NFYC: variants seen among roughly 807,000 people sequenced by gnomAD.
NFYC encodes CAAT box DNA-binding protein subunit C.
A neutral mutation model predicts 53.1 loss-of-function variants in NFYC; 25 were observed. That is an observed-to-expected ratio of 0.47 (90% CI 0.34 to 0.66). NFYC has a LOEUF of 0.66. Ranked by LOEUF, NFYC falls within the 30% of genes least tolerant of loss-of-function variation. The probability of loss-of-function intolerance (pLI) is 0.01; values close to 1 mark genes in which losing one functional copy is unlikely to be tolerated. For synonymous variants in NFYC, 145 were observed against 152.6 expected (o/e 0.95, Z 0.37); for missense variants, 260 against 422.7 (o/e 0.62, Z 3.38).
At chr1:40,766,379 A>C in intron 7 of NFYC, 1 of 492,190 alleles carries the variant, frequency 2.0e-6, no homozygotes, top group Non-Finnish European at 3.6e-6. Flanking sequence ...AAGTCCATTC[A>C]GGGAATATAT....
At chr1:40,725,828 AAG>A (rs1644491086) in intron 1 of NFYC, among the ~76,000 whole-genome samples, 1 of 152,226 alleles carries the variant, frequency 6.6e-6, no homozygotes, top group Non-Finnish European at 1.5e-5. Context: ...CATTATAATA[AAG>A]AGAGTCACAC....
intron 6 of NFYC, 29 bp from the exon 7 acceptor site, chr1:40,762,859 C>T (rs1204478011): frequency 3.9e-6 from 6 of 1,535,020 alleles, no homozygotes; most frequent in African/African-American, 2.8e-5. Context: ...CCTGAACTCA[C>T]GCAGCATTCT....
At position 40,761,378 on chromosome 1, in the gene NFYC, T is replaced by G. The variant is rs558925764; in HGVS notation, c.562-1510T>G. 2.0e-5 allele frequency among the ~76,000 whole-genome samples: 3 copies of G among 152,346 alleles called. No individual in the cohort carries two copies. In the South Asian group the frequency reaches 6.2e-4, roughly 32 times the overall value. ...GTGTCACACCTCCCTGGACCCGTAG[T>G]GATGGCTATTTCAAGTTGAGTGCAA... On this transcript the variant is annotated intron_variant, in intron 6 of 9. Transcript: ENST00000447388.
intron 1 of NFYC, among the ~76,000 whole-genome samples, chr1:40,724,781 T>C (rs1275794713): frequency 1.3e-5 from 2 of 151,846 alleles, no homozygotes; most frequent in East Asian, 1.9e-4. Flanking sequence ...GATTATATTG[T>C]ACTAGATACC....
Position 40,713,445 on chromosome 1 carries a change from AGGTC to A in NFYC, c.-9+21579_-9+21582del, listed in dbSNP as rs958106016. Among the ~76,000 whole-genome samples the A allele has an allele frequency of 1.0e-3, 155 of 152,364 alleles. 1 individual carries two copies. The highest frequency in any genetic ancestry group is 3.5e-3 in the African/African-American group (147 of 41,582). On this transcript the variant is annotated intron_variant, in intron 1 of 9. Transcript: ENST00000447388. ...GGGCTTTTGTTTTTAAAACAAGATGAGGTCTCCCTTTTAAAGAGGCTAAATACTT... is the reference window on the plus strand; with the variant it reads ...GGGCTTTTGTTTTTAAAACAAGATGATCCCTTTTAAAGAGGCTAAATACTT...
At chr1:40,758,934 A>C (rs1031143993) in intron 6 of NFYC, among the ~76,000 whole-genome samples, 2 of 152,208 alleles carry the variant, frequency 1.3e-5, no homozygotes, top group African/African-American at 4.8e-5. Flanking sequence ...CTGAGGGTAA[A>C]GTTCTGTGCT....
Position 40,769,338 on chromosome 1 carries a change from C to G in NFYC, c.829-18C>G. On this transcript the variant is annotated intron_variant, in intron 8 of 9. Transcript: ENST00000447388. ...CCCTGCAGCTGACATACCAACTCTA[C>G]CATCTTGATTCTTACAGATTACACA... 7 of 1,613,712 alleles carry G rather than the reference C, an allele frequency of 4.3e-6. No homozygotes were observed. The highest frequency in any genetic ancestry group is 5.9e-6 in the Non-Finnish European group (7 of 1,179,692).
intron 1 of NFYC, among the ~76,000 whole-genome samples, chr1:40,698,478 G>A (rs1643268010): frequency 6.6e-6 from 1 of 151,826 alleles, no homozygotes. Context: ...CCAGGCTGGA[G>A]TGCAGTGACA....
At chr1:40,701,513 A>C (rs934114673) in intron 1 of NFYC, among the ~76,000 whole-genome samples, 2 of 152,080 alleles carry the variant, frequency 1.3e-5, no homozygotes, top group East Asian at 1.9e-4. Context: ...CACTTTGTCT[A>C]TCTTGGTTTT....
chr1:40,739,465 C>G (rs1249638907), intron 2 of NFYC, among the ~76,000 whole-genome samples: 2 of 152,144 alleles, frequency 1.3e-5, no homozygotes, highest in African/African-American at 2.4e-5. Context: ...TTGTGAGGGG[C>G]CGTCTTATGC....
At chr1:40,721,796 C>T (rs1323921274) in intron 1 of NFYC, 1 of 152,348 alleles carries the variant, frequency 6.6e-6, no homozygotes, top group Admixed American at 6.5e-5. Flanking sequence ...CTCCTGGGCT[C>T]AAGCGATCCT....
chr1:40,704,974 C>T lies in NFYC; in HGVS notation c.-9+13107C>T, dbSNP rs189784573. ...GTCTTCTCCCTTTCTGAACCTTAAC[C>T]GTCTATAAATCAAGGAAGTTGAATT... On this transcript the variant is annotated intron_variant, in intron 1 of 9. Transcript: ENST00000447388. Among the ~76,000 whole-genome samples, 456 of 152,278 alleles carry T rather than the reference C, an allele frequency of 3.0e-3. 7 individuals carry two copies. The highest frequency in any genetic ancestry group is 0.022 in the South Asian group (108 of 4,822).
chr1:40,753,940 G>GT (rs1456138128), intron 5 of NFYC, among the ~76,000 whole-genome samples: 2 of 152,084 alleles, frequency 1.3e-5, no homozygotes, highest in Non-Finnish European at 2.9e-5. Context: ...CACACTAGTT[G>GT]TTTTTTCAGC....
chr1:40,746,783 G>A (rs758470387), intron 2 of NFYC, among the ~76,000 whole-genome samples: 1 of 152,142 alleles, frequency 6.6e-6, no homozygotes, highest in Admixed American at 6.6e-5. Flanking sequence ...ATTGAGTAGT[G>A]CTGATCAAAA....
At chr1:40,717,275 G>A (rs1372820228) in intron 1 of NFYC, among the ~76,000 whole-genome samples, 4 of 152,174 alleles carry the variant, frequency 2.6e-5, no homozygotes, top group Admixed American at 6.5e-5. Flanking sequence ...CTCTAGGTCA[G>A]TGCTCTCTAA....
At chr1:40,710,647 C>T (rs1268352076) in intron 1 of NFYC, among the ~76,000 whole-genome samples, 2 of 152,200 alleles carry the variant, frequency 1.3e-5, no homozygotes, top group African/African-American at 2.4e-5. Context: ...AGCACTTAGT[C>T]TCTGGGTACG....
At chr1:40,736,297 AAAAG>A (rs1297741825) in intron 1 of NFYC, among the ~76,000 whole-genome samples, 1 of 152,206 alleles carries the variant, frequency 6.6e-6, no homozygotes, top group Non-Finnish European at 1.5e-5. Context: ...GAAGGAAAAA[AAAAG>A]AAAAAAATCA....
intron 2 of NFYC, among the ~76,000 whole-genome samples, chr1:40,747,266 T>C (rs987187933): frequency 3.6e-4 from 53 of 148,498 alleles, no homozygotes; most frequent in African/African-American, 1.2e-3. Flanking sequence ...AAAACAGATA[T>C]TGCTTGGGGC....
intron 1 of NFYC, among the ~76,000 whole-genome samples, chr1:40,695,270 C>T (rs1643066291): frequency 6.6e-6 from 1 of 152,110 alleles, no homozygotes; most frequent in Non-Finnish European, 1.5e-5. Context: ...CAAAACTGTA[C>T]TAGAGAAGAT....
Sources: gnomAD v4.1 joint callset for allele counts (sites outside exome capture counted in the v4.1 genomes callset) on GRCh38, gnomAD v4.1.1 for gene constraint, MANE v1.5 for transcripts, NCBI Gene and HGNC (gene_info 2026-07-23, HGNC 2026-07-21) for gene names.